The following TMEM132B variants were observed in gnomAD, a reference collection of about 807,000 sequenced individuals.
TMEM132B encodes the protein transmembrane protein 132B.
In TMEM132B, 18 loss-of-function variants were observed where a neutral mutation model predicts 90.8. The ratio of observed to expected loss-of-function variants is 0.20; its 90% confidence interval spans 0.14 to 0.29. The LOEUF is 0.29. TMEM132B is among the 10% of genes least tolerant of loss of function. The probability of loss-of-function intolerance (pLI) is 1.00; values close to 1 mark genes in which losing one functional copy is unlikely to be tolerated. For missense variants in TMEM132B, 1,096 were observed against 1,326.8 expected, an observed-to-expected ratio of 0.83 and a Z score of 2.70; for synonymous variants, 504 against 523.3, an observed-to-expected ratio of 0.96 and a Z score of 0.50.
At chr12:125,359,847 A>G (rs1877904448) in intron 2 of TMEM132B, among the ~76,000 whole-genome samples, 3 of 152,234 alleles carry the variant, frequency 2.0e-5, no homozygotes, top group African/African-American at 2.4e-5. Flanking sequence ...TGGGAGGCCG[A>G]GGCAGGCAGA....
intron 3 of TMEM132B, among the ~76,000 whole-genome samples, chr12:125,512,289 T>C (rs1051922590): frequency 6.6e-6 from 1 of 152,204 alleles, no homozygotes; most frequent in Non-Finnish European, 1.5e-5. Flanking sequence ...TAGTGTTGCC[T>C]AACCTTCTCC....
Position 125,426,298 on chromosome 12 carries a change from CT to C in TMEM132B, c.1106+10630del, listed in dbSNP as rs903917201. Among the ~76,000 whole-genome samples, 30 of 151,014 alleles carry C rather than the reference CT, an allele frequency of 2.0e-4. No homozygotes were observed. The South Asian group carries it at 3.8e-3, about 19-fold the overall frequency. On this transcript the variant is annotated intron_variant, in intron 3 of 8. Coordinates refer to ENST00000682704, the MANE Select transcript of TMEM132B (RefSeq NM_001366854.1). ...TGCTCATTTTTTAAGTTGGGTTGTT[CT>C]TTTTTTTTATTATATGTTTTGCAAC...
chr12:125,384,942 A>G (rs1349012067), intron 2 of TMEM132B, among the ~76,000 whole-genome samples: 1 of 152,122 alleles, frequency 6.6e-6, no homozygotes, highest in Non-Finnish European at 1.5e-5. Flanking sequence ...ATGAGCCACC[A>G]TGCCCAGCCA....
chr12:125,383,868 T>C (rs1264909510), intron 2 of TMEM132B, among the ~76,000 whole-genome samples: 2 of 152,250 alleles, frequency 1.3e-5, no homozygotes, highest in Admixed American at 6.5e-5. Context: ...TTAGAGAAGG[T>C]TGAAGAAATT....
chr12:125,338,519 G>T (rs1280872542), intron 1 of TMEM132B, among the ~76,000 whole-genome samples: 1 of 152,210 alleles, frequency 6.6e-6, no homozygotes, highest in East Asian at 1.9e-4. Context: ...ACTGGAAGGA[G>T]GTCTGCCTGG....
At chr12:125,225,329 A>G (rs1306758097) in intron 1 of TMEM132B, among the ~76,000 whole-genome samples, 2 of 152,228 alleles carry the variant, frequency 1.3e-5, no homozygotes, top group African/African-American at 2.4e-5. Context: ...ATGAAAATGC[A>G]GGTTAGAAAA....
intron 1 of TMEM132B, among the ~76,000 whole-genome samples, chr12:125,194,578 C>T (rs937187502): frequency 2.6e-5 from 4 of 152,202 alleles, no homozygotes; most frequent in Admixed American, 6.5e-5. Flanking sequence ...GGGTCCTCTC[C>T]GTGTTGTGTA....
At chr12:125,479,815 G>A (rs1412320260) in intron 3 of TMEM132B, among the ~76,000 whole-genome samples, 1 of 152,162 alleles carries the variant, frequency 6.6e-6, no homozygotes, top group Non-Finnish European at 1.5e-5. Context: ...ATTCTTCTCA[G>A]CACCACATCT....
At chr12:125,361,516 A>G (rs1877957616) in intron 2 of TMEM132B, among the ~76,000 whole-genome samples, 1 of 152,214 alleles carries the variant, frequency 6.6e-6, no homozygotes, top group Non-Finnish European at 1.5e-5. Flanking sequence ...TCTTTTCCCA[A>G]ATAAAACTCA....
At chr12:125,358,564 G>A (rs78455805) in intron 2 of TMEM132B, among the ~76,000 whole-genome samples, 1,743 of 152,104 alleles carry the variant, frequency 0.011, 37 homozygotes, top group African/African-American at 0.039. Flanking sequence ...TTTAAAGACT[G>A]CTGGCCAGTT....
chr12:125,282,633 G>A (rs899360774), intron 1 of TMEM132B, among the ~76,000 whole-genome samples: 18 of 152,172 alleles, frequency 1.2e-4, no homozygotes, highest in Non-Finnish European at 2.6e-4. Flanking sequence ...ATATGATTTT[G>A]TGATTTAATT....
At chr12:125,326,130 T>C (rs1876556650) in intron 1 of TMEM132B, among the ~76,000 whole-genome samples, 1 of 152,138 alleles carries the variant, frequency 6.6e-6, no homozygotes, top group African/African-American at 2.4e-5. Flanking sequence ...TCTCTCTCTC[T>C]CCCTTAATGG....
chr12:125,527,822 G>A (rs752714507), intron 4 of TMEM132B, among the ~76,000 whole-genome samples: 1 of 152,182 alleles, frequency 6.6e-6, no homozygotes. Context: ...ACGGTGAATA[G>A]CAAACATTTA....
chr12:125,648,001 C>T (rs1886810137), intron 6 of TMEM132B, among the ~76,000 whole-genome samples: 1 of 149,864 alleles, frequency 6.7e-6, no homozygotes, highest in Non-Finnish European at 1.5e-5. Flanking sequence ...GTGCTGCACC[C>T]ACTAACTCGT....
intron 1 of TMEM132B, among the ~76,000 whole-genome samples, chr12:125,303,803 A>AG (rs199499973): frequency 0.011 from 1,616 of 152,214 alleles, 36 homozygotes; most frequent in African/African-American, 0.036. Flanking sequence ...TGTCTATTCA[A>AG]GTCTTTTGCT....
At chr12:125,549,461 GAAA>G (rs1884167327) in intron 4 of TMEM132B, among the ~76,000 whole-genome samples, 1 of 152,186 alleles carries the variant, frequency 6.6e-6, no homozygotes, top group Non-Finnish European at 1.5e-5. Context: ...AAAGAAGGTA[GAAA>G]ACATGCACAC....
intron 4 of TMEM132B, among the ~76,000 whole-genome samples, chr12:125,557,098 A>G (rs1161429765): frequency 6.6e-6 from 1 of 152,228 alleles, no homozygotes; most frequent in African/African-American, 2.4e-5. Flanking sequence ...GTTATCATAT[A>G]CACACTTACT....
At chr12:125,316,358 C>T (rs1345217693) in intron 1 of TMEM132B, among the ~76,000 whole-genome samples, 1 of 152,140 alleles carries the variant, frequency 6.6e-6, no homozygotes, top group Non-Finnish European at 1.5e-5. Context: ...CATGGCCTGC[C>T]CCTGCCCTGA....
rs576517867 is a variant in TMEM132B, at chr12:125,655,081, T to C, written c.*371T>C. 15 of 204,998 alleles carry C rather than the reference T, an allele frequency of 7.3e-5. No homozygotes were observed. The highest frequency in any genetic ancestry group is 3.9e-4 in the South Asian group (4 of 10,188). The allele number at this position is 204,998 out of a possible 1,614,324, so 12.7% of individuals were successfully genotyped here. A position where few individuals can be genotyped will look rare whatever the true frequency, so the allele number is the denominator to read the frequency against. On this transcript the variant is annotated 3_prime_UTR_variant, in exon 9 of 9. Transcript: ENST00000682704. ...TTGATTTTTCTATTTCTAGACCTTT[T>C]AAAGCACAGTGGACACTTATTGCCC...
Sources: gnomAD v4.1 joint callset for allele counts (sites outside exome capture counted in the v4.1 genomes callset) on GRCh38, gnomAD v4.1.1 for gene constraint, MANE v1.5 for transcripts, NCBI Gene and HGNC (gene_info 2026-07-23, HGNC 2026-07-21) for gene names.